Variants in CNTNAP4 observed in about 807,000 individuals in gnomAD.
The protein encoded by CNTNAP4 is contactin-associated protein-like 4.
A neutral mutation model predicts 148.4 loss-of-function variants in CNTNAP4; 98 were observed. The ratio of observed to expected loss-of-function variants is 0.66; its 90% CI spans 0.56 to 0.78. The LOEUF (loss-of-function observed/expected upper bound fraction) is 0.78, where lower values mean the gene tolerates loss of function less well. Ranked by LOEUF, CNTNAP4 falls within the 30% of genes least tolerant of loss-of-function variation. The probability of loss-of-function intolerance (pLI) is 0.00; values close to 1 mark genes in which losing one functional copy is unlikely to be tolerated. For missense variants in CNTNAP4, 1,935 were observed against 1,565.6 expected (o/e 1.24, Z -3.98); for synonymous variants, 730 against 565.1 (o/e 1.29, Z -4.14).
chr16:76,459,190 G>C (rs2143364799), intron 8 of CNTNAP4, among the ~76,000 whole-genome samples: 1 of 152,286 alleles, frequency 6.6e-6, no homozygotes, highest in East Asian at 1.9e-4. Flanking sequence ...GTGACACAGA[G>C]AGTGTATAAG....
Position 76,427,574 on chromosome 16 carries a change from A to T in CNTNAP4, c.513A>T (p.Arg171=). 1.2e-6 allele frequency: 2 copies of T among 1,612,520 alleles called. No individual in the cohort carries two copies. Among genetic ancestry groups the T allele is most frequent in the South Asian group, 2.2e-5 (2 of 90,720 alleles). ...ACCCCAAGGGCAGAATTGGAATGCG[A>T]ATCGAAGTGTTCGGATGTGCATACA... The part of the protein sequence containing the change: ...EWNPKGRIGM[R]IEVFGCAYRS... The change falls in exon 4 of 24, where the codon CGA becomes CGT. Residue 171 remains arginine, a synonymous_variant. Coordinates refer to ENST00000611870, the MANE Select transcript of CNTNAP4 (RefSeq NM_033401.5).
intron 3 of CNTNAP4, among the ~76,000 whole-genome samples, chr16:76,412,527 T>C (rs908297982): frequency 2.0e-5 from 3 of 151,512 alleles, no homozygotes; most frequent in African/African-American, 7.2e-5. Context: ...ATTAATTTTC[T>C]TTTGTTTTAG....
intron 2 of CNTNAP4, among the ~76,000 whole-genome samples, chr16:76,332,426 C>G (rs1489821155): frequency 1.3e-5 from 2 of 152,136 alleles, no homozygotes; most frequent in Non-Finnish European, 1.5e-5. Flanking sequence ...CCACGCCAGA[C>G]TAATTTTTGT....
chr16:76,470,112 A>G (rs117550489), intron 10 of CNTNAP4, among the ~76,000 whole-genome samples: 2,129 of 152,208 alleles, frequency 0.014, 24 homozygotes, highest in Non-Finnish European at 0.021. Context: ...TGTTTCCTAT[A>G]AGTATGGAAA....
rs755245882 is a variant in CNTNAP4, at chr16:76,448,116, A to C, written c.643A>C (p.Met215Leu). Residue 215 changes from methionine to leucine, a missense_variant, in exon 5 of 24, where the codon ATG becomes CTG. Coordinates refer to ENST00000611870, the MANE Select transcript of CNTNAP4 (RefSeq NM_033401.5). ...KDIISLKFKT[M>L]QSDGILLHRE... Reference sequence around the variant, plus strand: ...CATTATTTCTTTGAAATTCAAAACCATGCAGAGTGATGGGATTCTACTCCA... The same window carrying C: ...CATTATTTCTTTGAAATTCAAAACCCTGCAGAGTGATGGGATTCTACTCCA... The C allele has an allele frequency of 1.2e-6, 2 of 1,613,324 alleles. No individual in the cohort carries two copies. Among genetic ancestry groups the C allele is most frequent in the Admixed American group, 3.3e-5 (2 of 60,016 alleles).
intron 1 of CNTNAP4, among the ~76,000 whole-genome samples, chr16:76,293,111 A>G (rs940169811): frequency 6.6e-6 from 1 of 151,518 alleles, no homozygotes; most frequent in Non-Finnish European, 1.5e-5. Context: ...AGCTCTTAAT[A>G]TTTCTTTTTT....
In CNTNAP4 at chr16:76,343,280, G is replaced by A. The variant is rs567905556; in HGVS notation, c.197-12038G>A. ...CCTCATTGGTTTGAGTGAAAATGAG[G>A]TTGCATTGTGAGACTTTCTTTTTAT... On this transcript the variant is annotated intron_variant, in intron 2 of 23. Transcript: ENST00000611870. Among the ~76,000 whole-genome samples, 3 of 152,204 alleles carry A rather than the reference G, an allele frequency of 2.0e-5. No individual in the cohort carries two copies. The South Asian group carries it at 6.2e-4, about 32-fold the overall frequency.
At chr16:76,281,236 C>T (rs930030725) in intron 1 of CNTNAP4, among the ~76,000 whole-genome samples, 4 of 152,058 alleles carry the variant, frequency 2.6e-5, no homozygotes, top group South Asian at 2.1e-4. Context: ...TTCCTCCCCC[C>T]ACCATATTTA....
chr16:76,288,765 T>C (rs563254140), intron 1 of CNTNAP4, among the ~76,000 whole-genome samples: 38 of 152,282 alleles, frequency 2.5e-4, no homozygotes, highest in African/African-American at 8.7e-4. Context: ...AACAATACGT[T>C]GATGGATGAT....
intron 4 of CNTNAP4, among the ~76,000 whole-genome samples, chr16:76,441,692 T>G (rs2080047718): frequency 6.6e-6 from 1 of 152,184 alleles, no homozygotes; most frequent in South Asian, 2.1e-4. Context: ...TAAGGGTTTC[T>G]TATGTACTTC....
chr16:76,316,384 C>G (rs777166207), intron 1 of CNTNAP4, 29 bp from the exon 2 acceptor site: 1 of 1,489,850 alleles, frequency 6.7e-7, no homozygotes, highest in East Asian at 2.3e-5. Flanking sequence ...CACTAACTAA[C>G]CCTAACGTGG....
chr16:76,529,402 G>C (rs555913709), intron 17 of CNTNAP4, among the ~76,000 whole-genome samples: 11 of 152,206 alleles, frequency 7.2e-5, no homozygotes, highest in African/African-American at 2.7e-4. Context: ...TCCAGTCACT[G>C]CTGTTATCGT....
chr16:76,363,393 C>A (rs149028747), intron 3 of CNTNAP4, among the ~76,000 whole-genome samples: 1 of 152,058 alleles, frequency 6.6e-6, no homozygotes, highest in Non-Finnish European at 1.5e-5. Context: ...AACTCCCTAC[C>A]TTAGGCAATC....
chr16:76,522,687 C>T (rs1479852363), intron 17 of CNTNAP4, among the ~76,000 whole-genome samples: 3 of 30,122 alleles, frequency 1.0e-4, no homozygotes, highest in Non-Finnish European at 2.0e-4. Context: ...TCTTTCTCTC[C>T]TTTCTTTTCT....
At chr16:76,417,179 T>C (rs190876930) in intron 3 of CNTNAP4, among the ~76,000 whole-genome samples, 11 of 151,632 alleles carry the variant, frequency 7.3e-5, no homozygotes, top group Admixed American at 5.3e-4. Context: ...CTTTAATTGG[T>C]ATATTTAGAT....
rs560823717 is a variant in CNTNAP4, at chr16:76,496,621, G to A, written c.2237+1555G>A. ...TGAAAATTAAGCAAAATTCACACAG[G>A]CTCCACCTAATGAACTATCAAACCA... On this transcript the variant is annotated intron_variant, in intron 14 of 23. Transcript: ENST00000611870. 2.6e-4 allele frequency among the ~76,000 whole-genome samples: 39 copies of A among 152,140 alleles called. No homozygotes were observed. In the South Asian group the frequency reaches 7.9e-3, roughly 31 times the overall value.
chr16:76,337,439 C>T (rs1453705639), intron 2 of CNTNAP4, among the ~76,000 whole-genome samples: 1 of 152,234 alleles, frequency 6.6e-6, no homozygotes, highest in East Asian at 1.9e-4. Context: ...GCTGCAAAAC[C>T]AGCAAGTTTT....
chr16:76,374,224 A>G (rs1316671329), intron 3 of CNTNAP4, among the ~76,000 whole-genome samples: 1 of 152,172 alleles, frequency 6.6e-6, no homozygotes. Context: ...TCAGGGGGCA[A>G]TCACTTTATT....
intron 4 of CNTNAP4, among the ~76,000 whole-genome samples, chr16:76,427,891 T>G (rs570083492): frequency 6.6e-6 from 1 of 152,322 alleles, no homozygotes; most frequent in East Asian, 1.9e-4. Flanking sequence ...GTTGTAACTT[T>G]CAAATATTAG....
Sources: allele counts gnomAD v4.1 joint callset (sites outside exome capture counted in the v4.1 genomes callset), GRCh38; gene constraint gnomAD v4.1.1; transcripts MANE v1.5; gene names NCBI Gene and HGNC (gene_info 2026-07-23, HGNC 2026-07-21).